The following RSRC1 variants were observed in gnomAD, a reference collection of about 807,000 sequenced individuals.
RSRC1 encodes the protein arginine and serine rich coiled-coil 1.
Under a neutral mutation model 49.1 loss-of-function variants are expected in RSRC1, and 39 were observed. The observed-to-expected ratio is 0.79, with a 90% CI of 0.61 to 1.04. The LOEUF is 1.04. RSRC1 is among the 50% of genes least tolerant of loss of function. RSRC1 has a pLI of 0.00. For synonymous variants in RSRC1, 143 were observed against 130.8 expected (o/e 1.09, Z -0.63); for missense variants, 388 against 402.4 (o/e 0.96, Z 0.31).
At chr3:158,276,456 G>C in intron 4 of RSRC1, 2 of 680,166 alleles carry the variant, frequency 2.9e-6, no homozygotes, top group Non-Finnish European at 2.6e-6. Flanking sequence ...CAGACAGAAA[G>C]GCGCCAAGGT....
At chr3:158,503,094 C>T (rs1211588871) in intron 7 of RSRC1, among the ~76,000 whole-genome samples, 3 of 152,138 alleles carry the variant, frequency 2.0e-5, no homozygotes, top group Admixed American at 2.0e-4. Flanking sequence ...AGATGTAGTA[C>T]TCTCCCCCTT....
At chr3:158,196,908 T>C (rs1720658544) in intron 3 of RSRC1, among the ~76,000 whole-genome samples, 1 of 152,192 alleles carries the variant, frequency 6.6e-6, no homozygotes, top group South Asian at 2.1e-4. Context: ...TTTGCCAGTA[T>C]TTTATTGAGG....
chr3:158,535,708 T>C (rs1242328817), intron 7 of RSRC1, among the ~76,000 whole-genome samples: 1 of 151,300 alleles, frequency 6.6e-6, no homozygotes, highest in Non-Finnish European at 1.5e-5. Flanking sequence ...TTCAAGAGGA[T>C]CCTACTACCC....
chr3:158,138,955 CTA>C lies in RSRC1; in HGVS notation c.320+14966_320+14967del, dbSNP rs570151784. On this transcript the variant is annotated intron_variant, in intron 3 of 9. Transcript: ENST00000611884. ...TCTCTTTACTTTCATTTTGTTTAGT[CTA>C]TGTTTCACTCATTGTTTGGTGAGGA... is the stretch of plus-strand genomic sequence containing the variant. Among the ~76,000 whole-genome samples the C allele has an allele frequency of 1.8e-4, 28 of 152,044 alleles. No homozygotes were observed. The South Asian group carries it at 4.4e-3, about 24-fold the overall frequency.
chr3:158,365,052 G>C (rs1447500975), intron 6 of RSRC1, among the ~76,000 whole-genome samples: 1 of 151,918 alleles, frequency 6.6e-6, no homozygotes, highest in Admixed American at 6.6e-5. Flanking sequence ...GGCTTTATGA[G>C]GTAATTAAAG....
chr3:158,145,671 A>G (rs1391293044), intron 3 of RSRC1, among the ~76,000 whole-genome samples: 2 of 152,196 alleles, frequency 1.3e-5, no homozygotes, highest in African/African-American at 2.4e-5. Flanking sequence ...CTGTGAAGAA[A>G]GTCATTGGCA....
At chr3:158,147,101 C>CTTT (rs1559918537) in intron 3 of RSRC1, among the ~76,000 whole-genome samples, 6 of 52,142 alleles carry the variant, frequency 1.2e-4, no homozygotes, top group South Asian at 5.3e-4. Flanking sequence ...TGCTTTTCTG[C>CTTT]CTTTTTTTTT....
chr3:158,241,441 G>T (rs754669550), intron 4 of RSRC1, among the ~76,000 whole-genome samples: 1 of 151,964 alleles, frequency 6.6e-6, no homozygotes, highest in East Asian at 1.9e-4. Context: ...GCTGGGGACA[G>T]AGCAAGACTG....
At chr3:158,516,710 C>G (rs542446984) in intron 7 of RSRC1, among the ~76,000 whole-genome samples, 1 of 152,356 alleles carries the variant, frequency 6.6e-6, no homozygotes, top group Non-Finnish European at 1.5e-5. Flanking sequence ...TGCCGCCTTG[C>G]AGTTTGATCT....
chr3:158,209,651 G>C (rs1721550687), intron 4 of RSRC1, among the ~76,000 whole-genome samples: 1 of 152,060 alleles, frequency 6.6e-6, no homozygotes, highest in Non-Finnish European at 1.5e-5. Context: ...GATGGATGCT[G>C]TTCTGAGAAA....
chr3:158,537,789 CATATAATGAAA>C (rs1474081193), intron 8 of RSRC1, among the ~76,000 whole-genome samples: 1 of 151,544 alleles, frequency 6.6e-6, no homozygotes, highest in Non-Finnish European at 1.5e-5. Flanking sequence ...TAATAACATT[CATATAATGAAA>C]ATATGGTTAT....
At chr3:158,170,457 G>T (rs949670614) in intron 3 of RSRC1, among the ~76,000 whole-genome samples, 1 of 151,990 alleles carries the variant, frequency 6.6e-6, no homozygotes, top group Non-Finnish European at 1.5e-5. Context: ...TGAAAAGATC[G>T]AATAAATCCA....
At chr3:158,258,636 CCT>C (rs1227593452) in intron 4 of RSRC1, among the ~76,000 whole-genome samples, 4 of 152,028 alleles carry the variant, frequency 2.6e-5, no homozygotes, top group African/African-American at 9.7e-5. Context: ...AAACTTTCTA[CCT>C]CTGTCTCTTT....
In RSRC1 at chr3:158,354,856, G is replaced by A. The variant is rs754550509; in HGVS notation, c.532-1G>A. 3.9e-6 allele frequency: 6 copies of A among 1,537,934 alleles called. No homozygotes were observed. In the South Asian group the frequency reaches 4.9e-5, roughly 13 times the overall value. On this transcript the variant is annotated splice_acceptor_variant, in intron 5 of 9. Transcript: ENST00000611884. LOFTEE classifies it high-confidence loss of function. ...TGAATTTTTTTTTTTTTCTTTTTTA[G>A]CCACCAGCTGAACAGGCCAAAGCCA...
chr3:158,445,072 C>G (rs532411209), intron 6 of RSRC1, among the ~76,000 whole-genome samples: 6 of 152,270 alleles, frequency 3.9e-5, no homozygotes, highest in African/African-American at 9.6e-5. Context: ...TAAACTAGTT[C>G]AACCATTGTG....
rs574193255 is a variant in RSRC1, at chr3:158,198,150, A to G, written c.321-4922A>G. On this transcript the variant is annotated intron_variant, in intron 3 of 9. Transcript: ENST00000611884. ...TAAGTCTCTTTGTAAGTCTCTGAGGACTTGCTTTATGAATCTGGGTGCTCC... is the reference window on the plus strand; with the variant it reads ...TAAGTCTCTTTGTAAGTCTCTGAGGGCTTGCTTTATGAATCTGGGTGCTCC... Among the ~76,000 whole-genome samples the G allele has an allele frequency of 1.3e-4, 20 of 152,062 alleles. No individual in the cohort carries two copies. The East Asian group carries it at 3.9e-3, about 29-fold the overall frequency.
Position 158,262,400 on chromosome 3 carries a change from T to G in RSRC1, c.495-35639T>G, listed in dbSNP as rs745440180. 2.0e-5 allele frequency among the ~76,000 whole-genome samples: 3 copies of G among 152,238 alleles called. 1 individual carries two copies. The highest frequency in any genetic ancestry group is 1.5e-5 in the Non-Finnish European group (1 of 68,036). On this transcript the variant is annotated intron_variant, in intron 4 of 9. Transcript: ENST00000611884. ...GTTGACAAGAGTATATTGAATTGCC[T>G]TTGTATCTTCGTAAAAAAAATCAGT...
chr3:158,301,190 A>G (rs1037127154), intron 5 of RSRC1, among the ~76,000 whole-genome samples: 17 of 152,032 alleles, frequency 1.1e-4, no homozygotes, highest in South Asian at 2.1e-4. Flanking sequence ...GTCTAATACC[A>G]TCTTATTTTT....
intron 7 of RSRC1, among the ~76,000 whole-genome samples, chr3:158,520,552 G>T (rs1349684760): frequency 5.3e-5 from 8 of 152,226 alleles, no homozygotes; most frequent in Admixed American, 4.6e-4. Context: ...ACTTTCTGAT[G>T]TGTTGGACAG....
Sources: allele counts gnomAD v4.1 joint callset (sites outside exome capture counted in the v4.1 genomes callset), GRCh38; gene constraint gnomAD v4.1.1; transcripts MANE v1.5; gene names NCBI Gene and HGNC (gene_info 2026-07-23, HGNC 2026-07-21).